Variants in DCDC2 observed in about 807,000 individuals in gnomAD.
DCDC2 encodes the protein doublecortin domain-containing protein 2.
In DCDC2, 40 loss-of-function variants were observed where a neutral mutation model predicts 50.2. That is an observed-to-expected ratio of 0.80 (90% CI 0.62 to 1.04). DCDC2 has a LOEUF of 1.04. Among genes scored for constraint, DCDC2 ranks in the 50% least tolerant of loss-of-function variants. The pLI is 0.00. For missense variants in DCDC2, 570 were observed against 581.9 expected (o/e 0.98, Z 0.21); for synonymous variants, 234 against 210.6 (o/e 1.11, Z -0.96).
intron 7 of DCDC2, among the ~76,000 whole-genome samples, chr6:24,262,769 C>G (rs1289397235): frequency 1.3e-5 from 2 of 152,352 alleles, no homozygotes; most frequent in Middle Eastern, 3.4e-3. Context: ...AGAAGGGAAC[C>G]CACCTTGGGC....
At chr6:24,360,377 G>C (rs1760646671), upstream of DCDC2, among the ~76,000 whole-genome samples, 1 of 152,186 alleles carries the variant, frequency 6.6e-6, no homozygotes, top group Non-Finnish European at 1.5e-5. Flanking sequence ...GGCCACGGCG[G>C]TGAAAAGGAA....
chr6:24,199,993 G>GA (rs1761548741), intron 8 of DCDC2, among the ~76,000 whole-genome samples: 4 of 152,112 alleles, frequency 2.6e-5, no homozygotes, highest in Non-Finnish European at 5.9e-5. Flanking sequence ...AAAGCCTCCA[G>GA]AAAATATGGG....
intron 6 of DCDC2, among the ~76,000 whole-genome samples, chr6:24,286,900 A>C (rs767080143): frequency 2.8e-4 from 42 of 152,152 alleles, no homozygotes; most frequent in African/African-American, 9.9e-4. Flanking sequence ...CTTCCAGAAT[A>C]ATCATCACTT....
At chr6:24,339,190 T>C (rs1256721819) in intron 2 of DCDC2, among the ~76,000 whole-genome samples, 5 of 152,020 alleles carry the variant, frequency 3.3e-5, no homozygotes, top group African/African-American at 1.2e-4. Context: ...GCTTGCCTGG[T>C]GAACATACTC....
At chr6:24,317,286 G>A (rs1759689635) in intron 2 of DCDC2, among the ~76,000 whole-genome samples, 1 of 151,882 alleles carries the variant, frequency 6.6e-6, no homozygotes, top group African/African-American at 2.4e-5. Context: ...CTTGTGCATA[G>A]ACAAATAGAC....
At chr6:24,263,608 G>T (rs1056318462) in intron 7 of DCDC2, among the ~76,000 whole-genome samples, 1 of 152,040 alleles carries the variant, frequency 6.6e-6, no homozygotes, top group Non-Finnish European at 1.5e-5. Flanking sequence ...CATCAAAGTC[G>T]CTCAATAGCA....
intron 2 of DCDC2, among the ~76,000 whole-genome samples, chr6:24,303,988 A>AT (rs1205271410): frequency 1.3e-5 from 2 of 152,114 alleles, no homozygotes; most frequent in Admixed American, 6.5e-5. Flanking sequence ...AAGAATGAAT[A>AT]TTTTTTCTGT....
chr6:24,240,015 A>G (rs944783386), intron 7 of DCDC2, among the ~76,000 whole-genome samples: 1 of 152,212 alleles, frequency 6.6e-6, no homozygotes, highest in Admixed American at 6.5e-5. Context: ...AAAAGAAATT[A>G]TATGTTTCCA....
intron 7 of DCDC2, among the ~76,000 whole-genome samples, chr6:24,210,566 A>C (rs1280517078): frequency 3.3e-5 from 5 of 152,116 alleles, no homozygotes; most frequent in African/African-American, 1.2e-4. Context: ...ATGTATCTCA[A>C]ATATATTCAT....
At chr6:24,301,437 T>C (rs1490489721) in intron 4 of DCDC2, among the ~76,000 whole-genome samples, 1 of 151,160 alleles carries the variant, frequency 6.6e-6, no homozygotes, top group African/African-American at 2.4e-5. Context: ...CAACTAAAGT[T>C]ATGTTTGCCT....
chr6:24,358,930 ATATATTTTATATAT>A (rs1561788580), upstream of DCDC2, among the ~76,000 whole-genome samples: 5 of 29,494 alleles, frequency 1.7e-4, 1 homozygote, highest in East Asian at 4.2e-3. Context: ...ATTATATATT[ATATATTTTATATAT>A]TATATATTAT....
At chr6:24,246,290 C>A (rs1762669309) in intron 7 of DCDC2, among the ~76,000 whole-genome samples, 1 of 152,038 alleles carries the variant, frequency 6.6e-6, no homozygotes, top group Admixed American at 6.5e-5. Context: ...TATGTTTACT[C>A]TTCAAGGGTT....
intron 7 of DCDC2, among the ~76,000 whole-genome samples, chr6:24,215,734 G>A (rs115020953): frequency 0.026 from 4,018 of 152,256 alleles, 93 homozygotes; most frequent in African/African-American, 0.058. Context: ...AGGACGCTCC[G>A]AAGCATAGGA....
At chr6:24,339,977 G>A (rs1760126198) in intron 2 of DCDC2, among the ~76,000 whole-genome samples, 1 of 152,198 alleles carries the variant, frequency 6.6e-6, no homozygotes, top group Non-Finnish European at 1.5e-5. Flanking sequence ...AAATGAATTG[G>A]TGAAGCGGTG....
intron 7 of DCDC2, among the ~76,000 whole-genome samples, chr6:24,246,911 C>T (rs925841334): frequency 3.3e-5 from 5 of 152,210 alleles, no homozygotes; most frequent in Admixed American, 6.5e-5. Context: ...GCATATATAA[C>T]TAAGTAAAGA....
chr6:24,339,035 G>A (rs1187093782), intron 2 of DCDC2, among the ~76,000 whole-genome samples: 1 of 151,268 alleles, frequency 6.6e-6, no homozygotes, highest in Non-Finnish European at 1.5e-5. Flanking sequence ...CTCTCACATA[G>A]TTCCATTCCC....
At chr6:24,341,647 G>C (rs1252752787) in intron 2 of DCDC2, among the ~76,000 whole-genome samples, 2 of 152,144 alleles carry the variant, frequency 1.3e-5, no homozygotes, top group Non-Finnish European at 2.9e-5. Context: ...TTCTGAGTTC[G>C]GTCATAGATG....
At chr6:24,359,036 A>ATATATAT, upstream of DCDC2, among the ~76,000 whole-genome samples, 1 of 32,102 alleles carries the variant, frequency 3.1e-5, no homozygotes. Context: ...TTTATATTTT[A>ATATATAT]TATATATTAT....
chr6:24,368,140 A>G, the DCDC2 span, among the ~76,000 whole-genome samples: 1 of 152,086 alleles, frequency 6.6e-6, no homozygotes, highest in African/African-American at 2.4e-5. Context: ...AAAAAAAAAG[A>G]AAAAAATAAC....
Sources: allele counts gnomAD v4.1 joint callset (sites outside exome capture counted in the v4.1 genomes callset), GRCh38; gene constraint gnomAD v4.1.1; transcripts MANE v1.5; gene names NCBI Gene and HGNC (gene_info 2026-07-23, HGNC 2026-07-21).